Variants in ICA1 observed in about 807,000 individuals in gnomAD.
ICA1 encodes islet cell autoantigen 1, also known as 69 kDa islet cell autoantigen.
Under a neutral mutation model 71.0 loss-of-function variants are expected in ICA1, and 40 were observed. That is an observed-to-expected ratio of 0.56 (90% CI 0.44 to 0.73). The LOEUF (loss-of-function observed/expected upper bound fraction) is 0.73, where lower values mean the gene tolerates loss of function less well. ICA1 is among the 30% of genes least tolerant of loss of function. The pLI, the probability that ICA1 is intolerant of heterozygous loss-of-function variation, is 0.00. For synonymous variants in ICA1, 207 were observed against 209.5 expected, an observed-to-expected ratio of 0.99 and a Z score of 0.10; for missense variants, 578 against 576.5, an observed-to-expected ratio of 1.00 and a Z score of -0.03.
At chr7:8,235,125 C>T (rs1189918118) in intron 2 of ICA1, among the ~76,000 whole-genome samples, 1 of 151,698 alleles carries the variant, frequency 6.6e-6, no homozygotes, top group African/African-American at 2.4e-5. Context: ...GATTGCACCA[C>T]TGAACTCCAG....
intron 8 of ICA1, among the ~76,000 whole-genome samples, chr7:8,146,742 CGT>C (rs111464131): frequency 0.94 from 135,673 of 143,688 alleles, 64,016 homozygotes; most frequent in African/African-American, 0.97. Context: ...TGTGCGTGTG[CGT>C]GTGTGTGTGT....
intron 13 of ICA1, among the ~76,000 whole-genome samples, chr7:8,126,892 C>T (rs1470090792): frequency 1.3e-5 from 2 of 152,124 alleles, no homozygotes; most frequent in Non-Finnish European, 2.9e-5. Context: ...GCACTGTCAA[C>T]CAATGTGTTC....
At chr7:8,188,621 A>T (rs1230854767) in intron 6 of ICA1, among the ~76,000 whole-genome samples, 1 of 152,208 alleles carries the variant, frequency 6.6e-6, no homozygotes, top group African/African-American at 2.4e-5. Context: ...TTAGGGCATT[A>T]TAAATATAGG....
chr7:8,166,548 T>C (rs1203815698), intron 6 of ICA1, among the ~76,000 whole-genome samples: 1 of 152,062 alleles, frequency 6.6e-6, no homozygotes, highest in Non-Finnish European at 1.5e-5. Flanking sequence ...CATTGAAAGA[T>C]AACCTGGGAC....
chr7:8,194,915 G>C (rs774590903), intron 6 of ICA1, among the ~76,000 whole-genome samples: 1 of 151,938 alleles, frequency 6.6e-6, no homozygotes, highest in Non-Finnish European at 1.5e-5. Context: ...TTTATGTTGA[G>C]TTGAAATAAT....
chr7:8,225,902 C>G (rs1306247125), intron 4 of ICA1, among the ~76,000 whole-genome samples: 2 of 152,122 alleles, frequency 1.3e-5, no homozygotes, highest in African/African-American at 2.4e-5. Flanking sequence ...ACCCATATTC[C>G]TATAAGAAAC....
chr7:8,204,616 TAAAC>T (rs1269593059), intron 6 of ICA1, among the ~76,000 whole-genome samples: 3 of 152,240 alleles, frequency 2.0e-5, no homozygotes, highest in Non-Finnish European at 2.9e-5. Flanking sequence ...CTTACATAAA[TAAAC>T]CTATCACATT....
In ICA1 at chr7:8,249,151, G is replaced by A. The variant is rs1316178645; in HGVS notation, c.-80+12943C>T. 2.6e-5 allele frequency among the ~76,000 whole-genome samples: 4 copies of A among 152,258 alleles called. No homozygotes were observed. The East Asian group carries it at 5.8e-4, about 22-fold the overall frequency. On this transcript the variant is annotated intron_variant, in intron 1 of 13. Transcript: ENST00000402384. ...AGGCTCCCTGTGATGGGGCACAAAT[G>A]CCATGGCAGAGGAAACTGCCAGGGT...
intron 6 of ICA1, among the ~76,000 whole-genome samples, chr7:8,180,811 C>T (rs886639395): frequency 6.7e-6 from 1 of 150,138 alleles, no homozygotes; most frequent in African/African-American, 2.4e-5. Context: ...TCCATTTTTT[C>T]ACGAGGTGGC....
At chr7:8,211,516 A>T (rs1376762797) in intron 6 of ICA1, among the ~76,000 whole-genome samples, 2 of 127,530 alleles carry the variant, frequency 1.6e-5, no homozygotes, top group Non-Finnish European at 3.2e-5. Context: ...ATTTGTTCAT[A>T]GTGCTCTGTA....
chr7:8,118,699 T>C (rs1175592339), intron 13 of ICA1, among the ~76,000 whole-genome samples: 4 of 152,196 alleles, frequency 2.6e-5, no homozygotes, highest in Non-Finnish European at 4.4e-5. Context: ...CTGAGAAGTA[T>C]TGAATCTAAC....
intron 8 of ICA1, among the ~76,000 whole-genome samples, chr7:8,154,751 T>C (rs182918329): frequency 2.0e-4 from 30 of 152,362 alleles, no homozygotes; most frequent in African/African-American, 7.0e-4. Context: ...TTAAAAATAC[T>C]GGTGCAAGAG....
At chr7:8,238,345 AG>A (rs1220474873) in intron 1 of ICA1, among the ~76,000 whole-genome samples, 1 of 152,160 alleles carries the variant, frequency 6.6e-6, no homozygotes, top group Non-Finnish European at 1.5e-5. Flanking sequence ...AAGCATTGTG[AG>A]GTGATATCTC....
At chr7:8,145,553 T>C (rs1048414550) in intron 8 of ICA1, among the ~76,000 whole-genome samples, 3 of 152,152 alleles carry the variant, frequency 2.0e-5, no homozygotes, top group Non-Finnish European at 4.4e-5. Flanking sequence ...GTTTTATTAA[T>C]ATTTGATCAT....
intron 8 of ICA1, among the ~76,000 whole-genome samples, chr7:8,149,858 T>A (rs1778985072): frequency 6.6e-6 from 1 of 152,236 alleles, no homozygotes. Context: ...TGTGTGTGTT[T>A]ATACAATTAG....
At chr7:8,158,701 T>C (rs1802622796) in intron 6 of ICA1, 49 bp from the exon 7 acceptor site, 1 of 1,586,718 alleles carries the variant, frequency 6.3e-7, no homozygotes, top group Non-Finnish European at 8.6e-7. Flanking sequence ...CTTAAGTAGG[T>C]AAAATTTGCA....
In ICA1 at chr7:8,132,908, G is replaced by A. The variant is rs1381071110; in HGVS notation, c.1061-4766C>T. Among the ~76,000 whole-genome samples, 1 of 152,200 alleles carries A rather than the reference G, an allele frequency of 6.6e-6. No homozygotes were observed. The highest frequency in any genetic ancestry group is 1.5e-5 in the Non-Finnish European group (1 of 68,022). Reference sequence around the variant, plus strand: ...TTGGTGAAGCTGCTGGTGCTCCATAGAGGAACCCTCTTACTGTGTATCTTT... The same window carrying A: ...TTGGTGAAGCTGCTGGTGCTCCATAAAGGAACCCTCTTACTGTGTATCTTT... On this transcript the variant is annotated intron_variant, in intron 12 of 13. Transcript: ENST00000402384. The surrounding 1 kb of genome is among the most constrained non-coding windows in gnomAD (Gnocchi z 4.5).
At chr7:8,178,202 C>A (rs1159432558) in intron 6 of ICA1, among the ~76,000 whole-genome samples, 1 of 152,142 alleles carries the variant, frequency 6.6e-6, no homozygotes, top group Non-Finnish European at 1.5e-5. Context: ...GTTGTTTCTC[C>A]TTCACTGGCC....
intron 6 of ICA1, among the ~76,000 whole-genome samples, chr7:8,193,161 T>C (rs1786280218): frequency 6.6e-6 from 1 of 152,206 alleles, no homozygotes; most frequent in South Asian, 2.1e-4. Context: ...AATGTGTGCA[T>C]ATCCACAAGT....
Sources: allele counts gnomAD v4.1 joint callset (sites outside exome capture counted in the v4.1 genomes callset), GRCh38; gene constraint gnomAD v4.1.1; non-coding constraint Gnocchi (gnomAD v3.1); transcripts MANE v1.5; gene names NCBI Gene and HGNC (gene_info 2026-07-23, HGNC 2026-07-21).